The following GPC5 variants were observed in gnomAD, a reference collection of about 807,000 sequenced individuals.
The protein encoded by GPC5 is glypican 5, also known as glypican-5.
GPC5 carries 47 observed loss-of-function variants against 53.9 expected under a neutral mutation model. The ratio of observed to expected loss-of-function variants is 0.87; its 90% CI spans 0.69 to 1.11. The LOEUF (loss-of-function observed/expected upper bound fraction) is 1.11, where lower values mean the gene tolerates loss of function less well. Among genes scored for constraint, GPC5 ranks in the 50% most tolerant of loss-of-function variants. GPC5 has a pLI of 0.00. For missense variants in GPC5, 748 were observed against 713.1 expected, an observed-to-expected ratio of 1.05 and a Z score of -0.56; for synonymous variants, 286 against 263.3, an observed-to-expected ratio of 1.09 and a Z score of -0.84.
At chr13:92,584,883 C>A (rs950472741) in intron 7 of GPC5, among the ~76,000 whole-genome samples, 2 of 152,136 alleles carry the variant, frequency 1.3e-5, no homozygotes, top group African/African-American at 4.8e-5. Flanking sequence ...AAGCCCGAAG[C>A]CTTGGCAGCT....
chr13:91,628,816 C>A (rs2034080498), intron 2 of GPC5, among the ~76,000 whole-genome samples: 1 of 152,136 alleles, frequency 6.6e-6, no homozygotes, highest in Admixed American at 6.6e-5. Flanking sequence ...CCATGGGGAT[C>A]TTGTTCTAAT....
At chr13:92,008,237 T>C (rs991569221) in intron 6 of GPC5, among the ~76,000 whole-genome samples, 1 of 151,978 alleles carries the variant, frequency 6.6e-6, no homozygotes, top group African/African-American at 2.4e-5. Flanking sequence ...TAATTTTTTG[T>C]ATTTTTAGTA....
At chr13:91,858,428 G>A (rs1166146941) in intron 5 of GPC5, among the ~76,000 whole-genome samples, 4 of 151,826 alleles carry the variant, frequency 2.6e-5, no homozygotes, top group South Asian at 2.1e-4. Flanking sequence ...ATGATCATGC[G>A]GTTTTTGTCC....
intron 7 of GPC5, among the ~76,000 whole-genome samples, chr13:92,657,267 C>A (rs1886167503): frequency 6.6e-6 from 1 of 152,012 alleles, no homozygotes; most frequent in Admixed American, 6.6e-5. Flanking sequence ...AAGAAAAAGT[C>A]ATATTTATTT....
intron 2 of GPC5, among the ~76,000 whole-genome samples, chr13:91,666,883 A>G: frequency 6.6e-6 from 1 of 152,208 alleles, no homozygotes; most frequent in East Asian, 1.9e-4. Context: ...TTTTAGGTAT[A>G]GAATCACATA....
At chr13:91,874,877 T>C (rs1347879346) in intron 5 of GPC5, among the ~76,000 whole-genome samples, 1 of 152,176 alleles carries the variant, frequency 6.6e-6, no homozygotes, top group African/African-American at 2.4e-5. Flanking sequence ...CATTTTGTGC[T>C]AATTTTCCAT....
At chr13:92,194,414 A>G (rs1383285495) in intron 7 of GPC5, among the ~76,000 whole-genome samples, 1 of 152,214 alleles carries the variant, frequency 6.6e-6, no homozygotes. Context: ...ATTAGGATCC[A>G]TTATTTGCAG....
At chr13:92,822,244 A>T (rs1315438726) in intron 7 of GPC5, among the ~76,000 whole-genome samples, 1 of 152,056 alleles carries the variant, frequency 6.6e-6, no homozygotes, top group Non-Finnish European at 1.5e-5. Flanking sequence ...TATTTTTTTC[A>T]AAGTAAAATT....
At chr13:91,748,858 G>T (rs1041535699) in intron 4 of GPC5, among the ~76,000 whole-genome samples, 1 of 152,032 alleles carries the variant, frequency 6.6e-6, no homozygotes, top group Non-Finnish European at 1.5e-5. Flanking sequence ...GAAACTGGAT[G>T]TTCTAAGCCT....
At chr13:92,428,660 T>G (rs1303060895) in intron 7 of GPC5, among the ~76,000 whole-genome samples, 2 of 152,126 alleles carry the variant, frequency 1.3e-5, no homozygotes. Context: ...TTACATTATA[T>G]TTTGTGCCAA....
chr13:91,629,603 A>G (rs1212242020), intron 2 of GPC5, among the ~76,000 whole-genome samples: 1 of 152,150 alleles, frequency 6.6e-6, no homozygotes, highest in African/African-American at 2.4e-5. Flanking sequence ...AGATCACGCT[A>G]TTACACTCCA....
chr13:92,465,993 G>A (rs1878675579), intron 7 of GPC5, among the ~76,000 whole-genome samples: 1 of 151,900 alleles, frequency 6.6e-6, no homozygotes, highest in Non-Finnish European at 1.5e-5. Flanking sequence ...TATGATTACT[G>A]CGTACACACG....
chr13:92,859,236 A>T (rs1294426056), intron 7 of GPC5, among the ~76,000 whole-genome samples: 1 of 152,124 alleles, frequency 6.6e-6, no homozygotes, highest in Non-Finnish European at 1.5e-5. Flanking sequence ...GCAACATAGA[A>T]AGACCCTATC....
At chr13:92,363,527 G>A (rs1270025008) in intron 7 of GPC5, among the ~76,000 whole-genome samples, 1 of 151,730 alleles carries the variant, frequency 6.6e-6, no homozygotes, top group Non-Finnish European at 1.5e-5. Flanking sequence ...TCTCTCCTAT[G>A]AGAATCAAAT....
chr13:91,549,736 C>G (rs565991952), intron 2 of GPC5, among the ~76,000 whole-genome samples: 1 of 152,208 alleles, frequency 6.6e-6, no homozygotes, highest in African/African-American at 2.4e-5. Flanking sequence ...TTAGAATAAA[C>G]AGAATCCAGA....
chr13:92,843,020 T>A (rs1466864909), intron 7 of GPC5, among the ~76,000 whole-genome samples: 1 of 152,200 alleles, frequency 6.6e-6, no homozygotes, highest in Non-Finnish European at 1.5e-5. Flanking sequence ...AGTGACCATG[T>A]GCCAGACATT....
chr13:92,096,197 A>G (rs554428970), intron 6 of GPC5, among the ~76,000 whole-genome samples: 1 of 152,300 alleles, frequency 6.6e-6, no homozygotes, highest in South Asian at 2.1e-4. Flanking sequence ...TGAGATATAT[A>G]GTTTTTATTT....
chr13:91,733,438 T>C (rs1171576010), intron 4 of GPC5, among the ~76,000 whole-genome samples: 1 of 152,224 alleles, frequency 6.6e-6, no homozygotes, highest in African/African-American at 2.4e-5. Flanking sequence ...TGGCCTGCTA[T>C]ATTGATTTTT....
intron 7 of GPC5, among the ~76,000 whole-genome samples, chr13:92,582,149 A>T (rs952668147): frequency 6.6e-6 from 1 of 152,028 alleles, no homozygotes; most frequent in African/African-American, 2.4e-5. Flanking sequence ...TTGCCCCTAT[A>T]CTTTCTTCTA....
Sources: gnomAD v4.1 joint callset for allele counts (sites outside exome capture counted in the v4.1 genomes callset) on GRCh38, gnomAD v4.1.1 for gene constraint, MANE v1.5 for transcripts, NCBI Gene and HGNC (gene_info 2026-07-23, HGNC 2026-07-21) for gene names.